LRCH1: variants seen among roughly 807,000 people sequenced by gnomAD.
The protein encoded by LRCH1 is leucine rich repeats and calponin homology domain containing 1.
LRCH1 carries 23 observed loss-of-function variants against 94.9 expected under a neutral mutation model. The observed-to-expected ratio is 0.24, with a 90% confidence interval of 0.17 to 0.34. LRCH1 has a LOEUF of 0.34. Among genes scored for constraint, LRCH1 ranks in the 10% least tolerant of loss-of-function variants. The pLI is 1.00. For missense variants in LRCH1, 790 were observed against 945.9 expected, an observed-to-expected ratio of 0.84 and a Z score of 2.16; for synonymous variants, 364 against 354.9, an observed-to-expected ratio of 1.03 and a Z score of -0.29.
intron 2 of LRCH1, among the ~76,000 whole-genome samples, chr13:46,650,722 CAAAAAAAAAAAAA>C (rs756410319): frequency 1.7e-5 from 1 of 58,222 alleles, no homozygotes. Context: ...AAACAAGGAG[CAAAAAAAAAAAAA>C]AAAAAAAGAG....
intron 5 of LRCH1, among the ~76,000 whole-genome samples, chr13:46,687,239 G>A (rs1870668197): frequency 6.6e-6 from 1 of 152,114 alleles, no homozygotes; most frequent in South Asian, 2.1e-4. Context: ...TATTACAGGC[G>A]TGAGCCACTG....
intron 3 of LRCH1, among the ~76,000 whole-genome samples, chr13:46,677,992 A>G (rs978447342): frequency 3.2e-4 from 48 of 152,332 alleles, no homozygotes; most frequent in African/African-American, 1.1e-3. Context: ...TAGGGCTAAT[A>G]GAAAATTCAG....
chr13:46,658,746 G>A (rs886305328), intron 2 of LRCH1, among the ~76,000 whole-genome samples: 2 of 152,154 alleles, frequency 1.3e-5, no homozygotes, highest in African/African-American at 2.4e-5. Context: ...CTCCCAAAGT[G>A]CTTGGATTAC....
At chr13:46,728,194 G>C (rs1048951430) in intron 17 of LRCH1, among the ~76,000 whole-genome samples, 1 of 151,904 alleles carries the variant, frequency 6.6e-6, no homozygotes, top group Non-Finnish European at 1.5e-5. Context: ...TGGGGTTACA[G>C]GTGTGAGCCA....
chr13:46,669,287 A>G, intron 3 of LRCH1, 131 bp downstream of exon 3: 2 of 974,150 alleles, frequency 2.1e-6, no homozygotes, highest in East Asian at 2.6e-5. Flanking sequence ...GGTATATGAT[A>G]AAGACATTAA....
At chr13:46,663,228 T>A (rs1171140617) in intron 2 of LRCH1, among the ~76,000 whole-genome samples, 1 of 152,250 alleles carries the variant, frequency 6.6e-6, no homozygotes, top group Non-Finnish European at 1.5e-5. Flanking sequence ...TGTCAAATGT[T>A]ATTTTTTAGC....
chr13:46,744,830 A>C lies in LRCH1; in HGVS notation c.*2982A>C. 1.0e-6 allele frequency: 1 copy of C among 983,324 alleles called. No homozygotes were observed. Among genetic ancestry groups the C allele is most frequent in the Non-Finnish European group, 1.2e-6 (1 of 828,142 alleles). The allele number at this position is 983,324 out of a possible 1,614,324, so 60.9% of individuals were successfully genotyped here. ...CTTTAATATGATTTTATTTCAGGAG[A>C]CTTGATTTTTAAAAATTAGGCTTCG... is the stretch of plus-strand genomic sequence containing the variant. On this transcript the variant is annotated 3_prime_UTR_variant, in exon 20 of 20. Transcript: ENST00000389797.
chr13:46,702,335 G>C (rs842395), intron 11 of LRCH1, among the ~76,000 whole-genome samples: 121,574 of 152,010 alleles, frequency 0.8, 48,882 homozygotes, highest in African/African-American at 0.9. Flanking sequence ...AACCCTGTCT[G>C]TACTAATAAT....
intron 3 of LRCH1, among the ~76,000 whole-genome samples, chr13:46,673,498 A>G (rs946339367): frequency 4.8e-5 from 3 of 63,072 alleles, no homozygotes; most frequent in Non-Finnish European, 7.1e-5. Context: ...TTAGCTATCA[A>G]TTGGAAAAAA....
Position 46,688,030 on chromosome 13 carries a change from G to A in LRCH1, c.950+51G>A, listed in dbSNP as rs757257679. 5.2e-6 allele frequency: 8 copies of A among 1,541,904 alleles called. No individual in the cohort carries two copies. In the African/African-American group the frequency reaches 1.1e-4, roughly 21 times the overall value. The stretch of plus-strand genomic sequence containing the variant: ...CCAGTTTAAAATTTGCCTAGGCCAA[G>A]GCCCTCCAGGTAGCTGACTTCAAAA... On this transcript the variant is annotated intron_variant, in intron 6 of 19. Transcript: ENST00000389797.
chr13:46,711,887 T>A, intron 14 of LRCH1, 43 bp downstream of exon 14: 1 of 1,396,194 alleles, frequency 7.2e-7, no homozygotes, highest in South Asian at 1.2e-5. Context: ...TGTTTCTTGA[T>A]GGCTGGATTG....
intron 2 of LRCH1, among the ~76,000 whole-genome samples, chr13:46,650,763 T>C (rs2051285068): frequency 6.6e-6 from 1 of 150,734 alleles, no homozygotes; most frequent in Admixed American, 6.6e-5. Context: ...GGGTGATCTT[T>C]GGCAATTATT....
At chr13:46,695,343 C>A (rs1871128192) in intron 9 of LRCH1, among the ~76,000 whole-genome samples, 1 of 152,198 alleles carries the variant, frequency 6.6e-6, no homozygotes, top group South Asian at 2.1e-4. Context: ...TCAACATGTT[C>A]TAGGTAAATC....
chr13:46,645,554 T>G (rs948116627), intron 1 of LRCH1, among the ~76,000 whole-genome samples: 17 of 152,222 alleles, frequency 1.1e-4, no homozygotes, highest in African/African-American at 4.1e-4. Context: ...CACATAAATC[T>G]TAGCTTTGAA....
intron 17 of LRCH1, among the ~76,000 whole-genome samples, chr13:46,725,544 G>A (rs1488797779): frequency 2.0e-5 from 3 of 152,102 alleles, no homozygotes; most frequent in Non-Finnish European, 4.4e-5. Flanking sequence ...AAATAAGACG[G>A]AAACAAATAA....
At chr13:46,603,422 A>G (rs1454485658) in intron 1 of LRCH1, among the ~76,000 whole-genome samples, 1 of 152,098 alleles carries the variant, frequency 6.6e-6, no homozygotes, top group Non-Finnish European at 1.5e-5. Flanking sequence ...TTGCAAAGCT[A>G]GTGTCGCTGA....
chr13:46,554,561 T>G (rs1368645501), intron 1 of LRCH1, among the ~76,000 whole-genome samples: 2 of 152,222 alleles, frequency 1.3e-5, no homozygotes, highest in African/African-American at 4.8e-5. Flanking sequence ...CCCGGCAAGT[T>G]GTAACTCGCG....
intron 15 of LRCH1, among the ~76,000 whole-genome samples, chr13:46,713,366 G>A (rs1012743003): frequency 1.3e-5 from 2 of 152,132 alleles, no homozygotes; most frequent in East Asian, 1.9e-4. Flanking sequence ...GAATTCAGAC[G>A]CTTTTAAATA....
chr13:46,700,591 C>T (rs1409079921), intron 10 of LRCH1, among the ~76,000 whole-genome samples: 3 of 152,184 alleles, frequency 2.0e-5, no homozygotes, highest in Admixed American at 2.0e-4. Flanking sequence ...AAATGCTGAA[C>T]TCCTAGTCAG....
Sources: allele counts gnomAD v4.1 joint callset (sites outside exome capture counted in the v4.1 genomes callset), GRCh38; gene constraint gnomAD v4.1.1; transcripts MANE v1.5; gene names NCBI Gene and HGNC (gene_info 2026-07-23, HGNC 2026-07-21).